SYNPO2: variants seen among roughly 807,000 people sequenced by gnomAD.
SYNPO2 encodes the protein synaptopodin-2.
Under a neutral mutation model 85.0 loss-of-function variants are expected in SYNPO2, and 56 were observed. That is an observed-to-expected ratio of 0.66 (90% CI 0.53 to 0.82). SYNPO2 has a LOEUF of 0.82. SYNPO2 is among the 40% of genes least tolerant of loss of function. The pLI is 0.00. For synonymous variants in SYNPO2, 602 were observed against 591.1 expected (o/e 1.02, Z -0.27); for missense variants, 1,575 against 1,534.2 (o/e 1.03, Z -0.44).
At chr4:119,021,554 T>C (rs954729373) in intron 1 of SYNPO2, among the ~76,000 whole-genome samples, 5 of 152,280 alleles carry the variant, frequency 3.3e-5, no homozygotes, top group African/African-American at 1.2e-4. Flanking sequence ...ACATGGTTCA[T>C]TGAGAACAAT....
At position 119,017,984 on chromosome 4, in the gene SYNPO2, G is replaced by A. The variant is rs530025740; in HGVS notation, c.106-5446G>A. On this transcript the variant is annotated intron_variant, in intron 1 of 4. Coordinates refer to ENST00000307142, the MANE Select transcript of SYNPO2 (RefSeq NM_133477.3). ...AGAGAGAACAACACAAGAGAAAAACGAGGTTTTTTTAATTTTGCAAGGAAT... is the reference window on the plus strand; with the variant it reads ...AGAGAGAACAACACAAGAGAAAAACAAGGTTTTTTTAATTTTGCAAGGAAT... 2.6e-5 allele frequency among the ~76,000 whole-genome samples: 4 copies of A among 152,234 alleles called. No homozygotes were observed. In the South Asian group the frequency reaches 8.3e-4, roughly 32 times the overall value.
rs1200282447 is a variant in SYNPO2 at position 119,030,031 on chromosome 4, G to C, written c.1256G>C (p.Arg419Pro). The change falls in exon 4 of 5, where the codon CGA becomes CCA. Residue 419 changes from arginine to proline, a missense_variant. This residue lies in a region of SYNPO2 where 1,508 missense variants were observed against 1,446.8 expected (regional missense o/e 1.04). Coordinates refer to ENST00000307142, the MANE Select transcript of SYNPO2 (RefSeq NM_133477.3). ...AGCTACGGTACTGGCGAGCTTGAGC[G>C]AGAGGCGGACGAGGAGGAAGAAGGT... Reference protein sequence around the residue: ...LVSYGTGELEREADEEEEGDK... With the variant: ...LVSYGTGELEPEADEEEEGDK... 1 of 1,614,150 alleles carries C rather than the reference G, an allele frequency of 6.2e-7. No individual in the cohort carries two copies. The highest frequency in any genetic ancestry group is 8.5e-7 in the Non-Finnish European group (1 of 1,180,014).
intron 2 of SYNPO2, among the ~76,000 whole-genome samples, chr4:119,025,226 A>G (rs949514105): frequency 6.6e-6 from 1 of 152,186 alleles, no homozygotes; most frequent in Non-Finnish European, 1.5e-5. Flanking sequence ...TTGATTGCTA[A>G]CGTTATTCAA....
intron 1 of SYNPO2, among the ~76,000 whole-genome samples, chr4:118,912,203 C>T (rs1733161102): frequency 6.6e-6 from 1 of 152,206 alleles, no homozygotes; most frequent in South Asian, 2.1e-4. Flanking sequence ...TTGTCAGAGG[C>T]AGGATCTCAC....
In SYNPO2 at chr4:119,031,679, A is replaced by G. The variant is rs776678282; in HGVS notation, c.2904A>G (p.Gln968=). ...ATGCATTAGATGTCATGAAGCACCA[A>G]CCGTATCAGCTCAATGCATCCTTGT... ...PLNALDVMKH[Q]PYQLNASLFT... Residue 968 remains glutamine (Q), a synonymous_variant, in exon 4 of 5, where the codon CAA becomes CAG. Transcript: ENST00000307142. The G allele has an allele frequency of 1.2e-6, 2 of 1,614,008 alleles. No individual in the cohort carries two copies. The highest frequency in any genetic ancestry group is 2.2e-5 in the East Asian group (1 of 44,886).
chr4:118,964,086 C>A (rs1400422654), intron 1 of SYNPO2, among the ~76,000 whole-genome samples: 3 of 152,128 alleles, frequency 2.0e-5, no homozygotes, highest in Admixed American at 6.5e-5. Flanking sequence ...CTCCATTTAA[C>A]CTAATTCTAG....
At chr4:118,855,243 C>T (rs765814676) in intron 1 of SYNPO2, among the ~76,000 whole-genome samples, 6 of 151,670 alleles carry the variant, frequency 4.0e-5, no homozygotes, top group Non-Finnish European at 8.8e-5. Context: ...TTTGATAAAT[C>T]TTCTATTTTT....
intron 4 of SYNPO2, among the ~76,000 whole-genome samples, chr4:119,050,695 C>T (rs1424269012): frequency 5.9e-5 from 9 of 152,124 alleles, no homozygotes; most frequent in Non-Finnish European, 1.3e-4. Context: ...TATATAACAC[C>T]AGATGACTCA....
intron 4 of SYNPO2, among the ~76,000 whole-genome samples, chr4:119,051,253 G>A (rs1739033164): frequency 7.5e-6 from 1 of 132,770 alleles, no homozygotes; most frequent in African/African-American, 2.9e-5. Flanking sequence ...GCAGTGGCGG[G>A]ATCTCGGCTC....
At chr4:118,871,327 A>T (rs1410209701) in intron 1 of SYNPO2, among the ~76,000 whole-genome samples, 2 of 151,522 alleles carry the variant, frequency 1.3e-5, no homozygotes, top group East Asian at 3.9e-4. Context: ...CTGGAATTAC[A>T]GGAGTGACTC....
chr4:119,015,587 A>G (rs982824194), intron 1 of SYNPO2, among the ~76,000 whole-genome samples: 1 of 152,172 alleles, frequency 6.6e-6, no homozygotes, highest in African/African-American at 2.4e-5. Flanking sequence ...CATTTCCTTT[A>G]CTTTATTAAT....
intron 4 of SYNPO2, chr4:119,038,443 AAT>A: frequency 1.0e-6 from 1 of 985,384 alleles, no homozygotes; most frequent in South Asian, 4.7e-5. Flanking sequence ...TTTCAGAATG[AAT>A]AGTGTTGTTC....
At chr4:118,877,464 G>A (rs1258844074) in intron 1 of SYNPO2, among the ~76,000 whole-genome samples, 1 of 152,150 alleles carries the variant, frequency 6.6e-6, no homozygotes, top group East Asian at 1.9e-4. Context: ...CTATGCATCT[G>A]ACAAAGGTCT....
intron 1 of SYNPO2, among the ~76,000 whole-genome samples, chr4:118,941,819 T>G (rs1734322260): frequency 6.6e-6 from 1 of 152,146 alleles, no homozygotes; most frequent in Admixed American, 6.5e-5. Context: ...CCAGTGCCAT[T>G]CAGAAAGCAG....
At chr4:118,961,248 C>A (rs963558798) in intron 1 of SYNPO2, among the ~76,000 whole-genome samples, 2 of 152,052 alleles carry the variant, frequency 1.3e-5, no homozygotes, top group Admixed American at 1.3e-4. Flanking sequence ...CCCCCCGCAA[C>A]AGAGAATGAG....
intron 1 of SYNPO2, among the ~76,000 whole-genome samples, chr4:119,004,172 T>C (rs1736925884): frequency 6.6e-6 from 1 of 152,150 alleles, no homozygotes; most frequent in Non-Finnish European, 1.5e-5. Context: ...TTCTCTAACT[T>C]AGGGTTCACT....
chr4:118,976,227 C>T (rs544748721), intron 1 of SYNPO2, among the ~76,000 whole-genome samples: 3 of 152,098 alleles, frequency 2.0e-5, no homozygotes, highest in East Asian at 3.9e-4. Flanking sequence ...CTGGTGGGTT[C>T]GTGGTCTCGC....
intron 1 of SYNPO2, among the ~76,000 whole-genome samples, chr4:118,898,440 C>T (rs554131533): frequency 1.3e-5 from 2 of 152,258 alleles, no homozygotes; most frequent in South Asian, 4.1e-4. Flanking sequence ...TCTAAATCAC[C>T]TGTTATATCA....
chr4:118,921,022 A>G (rs1733513269), intron 1 of SYNPO2, among the ~76,000 whole-genome samples: 1 of 151,896 alleles, frequency 6.6e-6, no homozygotes, highest in African/African-American at 2.4e-5. Context: ...CTCCCTCCTC[A>G]GCTTCCCTAG....
Sources: gnomAD v4.1 joint callset for allele counts (sites outside exome capture counted in the v4.1 genomes callset) on GRCh38, gnomAD v4.1.1 for gene constraint, gnomAD v4.1.1 regional missense constraint, MANE v1.5 for transcripts, NCBI Gene and HGNC (gene_info 2026-07-23, HGNC 2026-07-21) for gene names.